The following PCNX2 variants were observed in gnomAD, a reference collection of about 807,000 sequenced individuals.
PCNX2 encodes the protein pecanex 2.
In PCNX2, 168 loss-of-function variants were observed where a neutral mutation model predicts 223.8. The ratio of observed to expected loss-of-function variants is 0.75; its 90% CI spans 0.66 to 0.85. The LOEUF (loss-of-function observed/expected upper bound fraction) is 0.85. Ranked by LOEUF, PCNX2 falls within the 40% of genes least tolerant of loss-of-function variation. PCNX2 has a pLI of 0.00. For synonymous variants in PCNX2, 1,006 were observed against 1,052.6 expected, an observed-to-expected ratio of 0.96 and a Z score of 0.86; for missense variants, 2,507 against 2,675.5, an observed-to-expected ratio of 0.94 and a Z score of 1.39.
At chr1:233,287,220 A>G (rs375541827) in intron 1 of PCNX2, among the ~76,000 whole-genome samples, 2 of 152,206 alleles carry the variant, frequency 1.3e-5, no homozygotes, top group Non-Finnish European at 1.5e-5. Flanking sequence ...GTTCCATCTC[A>G]AGTGGGAAAC....
rs773940716 is a variant in PCNX2, at chr1:232,986,376, A to C, written c.5956T>G (p.Ser1986Ala). 30 of 1,603,352 alleles carry C rather than the reference A, an allele frequency of 1.9e-5. No individual in the cohort carries two copies. In the African/African-American group the frequency reaches 3.1e-4, roughly 16 times the overall value. The change falls in exon 33 of 34, where the codon TCC becomes GCC. Residue 1986 changes from serine (S) to alanine (A), a missense_variant. By Grantham distance (99) the Ser-to-Ala change is moderately conservative (BLOSUM62 1). This residue lies in a region of PCNX2 where 1,372 missense variants were observed against 1,509.4 expected (regional missense o/e 0.91). Coordinates refer to ENST00000258229, the MANE Select transcript of PCNX2 (RefSeq NM_014801.4). ...LAQRLSGSRL[S>A]LHASATSLHS... ...AGGGACGTGGCCGAGGCGTGCAAGG[A>C]GAGCCGGCTGCCCGAGAGCCTCTGG...
At chr1:233,170,031 C>G (rs1479051025) in intron 17 of PCNX2, among the ~76,000 whole-genome samples, 2 of 152,190 alleles carry the variant, frequency 1.3e-5, no homozygotes, top group Non-Finnish European at 2.9e-5. Flanking sequence ...TTCACTCATG[C>G]ATTGCATTTA....
chr1:233,295,095 T>C lies in PCNX2; in HGVS notation c.153+231A>G, dbSNP rs920368675. Among the ~76,000 whole-genome samples, 2 of 152,176 alleles carry C rather than the reference T, an allele frequency of 1.3e-5. No homozygotes were observed. The highest frequency in any genetic ancestry group is 6.5e-5 in the Admixed American group (1 of 15,278). On this transcript the variant is annotated intron_variant, in intron 1 of 33. Coordinates refer to ENST00000258229, the MANE Select transcript of PCNX2 (RefSeq NM_014801.4). This position sits in a 1 kb window ranked among gnomAD's most constrained non-coding sequence, Gnocchi z 4.1. ...CCTAACATCCGGCATCAATTCTTAA[T>C]GAGTCCCCGAGCCCCCGCAGTCCTG... is the stretch of plus-strand genomic sequence containing the variant.
intron 12 of PCNX2, 79 bp from the exon 13 acceptor site, chr1:233,208,768 C>A: frequency 1.8e-6 from 2 of 1,090,486 alleles, no homozygotes; most frequent in Non-Finnish European, 1.2e-6. Flanking sequence ...ATAATTTACA[C>A]TATATCATAT....
At chr1:233,318,655 C>G in the PCNX2 span, among the ~76,000 whole-genome samples, 2 of 151,234 alleles carry the variant, frequency 1.3e-5, no homozygotes, top group Non-Finnish European at 2.9e-5. Context: ...CCTCCGCCCC[C>G]GCCCAGGTTC....
intron 21 of PCNX2, among the ~76,000 whole-genome samples, chr1:233,100,686 C>T (rs1193238450): frequency 2.0e-5 from 3 of 152,156 alleles, no homozygotes; most frequent in Non-Finnish European, 4.4e-5. Context: ...GGAGACACCC[C>T]TCCCACACAC....
At position 232,986,410 on chromosome 1, in the gene PCNX2, G is replaced by T. The variant is rs1300326990; in HGVS notation, c.5922C>A (p.His1974Gln). 2 of 1,605,272 alleles carry T rather than the reference G, an allele frequency of 1.2e-6. No individual in the cohort carries two copies. The highest frequency in any genetic ancestry group is 1.7e-6 in the Non-Finnish European group (2 of 1,176,094). The change falls in exon 33 of 34, where the codon CAC becomes CAA. Residue 1974 changes from histidine to glutamine, a missense_variant. This residue lies in a region of PCNX2 where 1,372 missense variants were observed against 1,509.4 expected (regional missense o/e 0.91). Coordinates refer to ENST00000258229, the MANE Select transcript of PCNX2 (RefSeq NM_014801.4). ...TGCCCGAGAGCCTCTGGGCCAGCTC[G>T]TGCACTGAGGTGGACGTCTGGAGGA... ...QTFLQTSTSV[H>Q]ELAQRLSGSR... is the part of the protein sequence containing the mutation.
intron 15 of PCNX2, among the ~76,000 whole-genome samples, chr1:233,192,418 C>G (rs1034128736): frequency 6.6e-6 from 1 of 151,746 alleles, no homozygotes; most frequent in Non-Finnish European, 1.5e-5. Context: ...AATCTTGGCT[C>G]GAAAAAAATT....
chr1:233,160,211 C>G (rs1678380523), intron 19 of PCNX2, 72 bp downstream of exon 19: 6 of 1,490,470 alleles, frequency 4.0e-6, no homozygotes, highest in African/African-American at 1.4e-5. Context: ...CAGACTGTTG[C>G]ACATGCTCTC....
chr1:233,219,141 C>T (rs1657213752), intron 10 of PCNX2, among the ~76,000 whole-genome samples: 1 of 151,862 alleles, frequency 6.6e-6, no homozygotes. Context: ...GGTGGGTATG[C>T]AAAGGACAAT....
intron 14 of PCNX2, 54 bp downstream of exon 14, chr1:233,200,100 C>T (rs958979574): frequency 2.2e-6 from 3 of 1,390,900 alleles, no homozygotes; most frequent in Middle Eastern, 1.8e-4. Flanking sequence ...GCTATTTAGT[C>T]CTTATCTGAA....
At chr1:233,002,836 T>C (rs1670136915) in intron 28 of PCNX2, among the ~76,000 whole-genome samples, 1 of 152,072 alleles carries the variant, frequency 6.6e-6, no homozygotes, top group Non-Finnish European at 1.5e-5. Flanking sequence ...AACAGAGGCC[T>C]CAGAAATAAT....
At position 233,096,354 on chromosome 1, in the gene PCNX2, T is replaced by C. The variant is rs545532737; in HGVS notation, c.3838-491A>G. Among the ~76,000 whole-genome samples, 4 of 152,354 alleles carry C rather than the reference T, an allele frequency of 2.6e-5. No homozygotes were observed. The East Asian group carries it at 7.7e-4, about 29-fold the overall frequency. On this transcript the variant is annotated intron_variant, in intron 21 of 33. Transcript: ENST00000258229. ...TAAGACAGGATATGAAGCTATTGCA[T>C]TGGCCAGACAAGCCAGCACAAGGAA...
chr1:233,125,246 T>G (rs1676029535), intron 21 of PCNX2, among the ~76,000 whole-genome samples: 2 of 152,228 alleles, frequency 1.3e-5, no homozygotes, highest in African/African-American at 4.8e-5. Context: ...CTGTTTTCTT[T>G]CTTGCTTTCT....
chr1:233,155,990 G>A (rs1414525791), intron 19 of PCNX2, among the ~76,000 whole-genome samples: 1 of 152,144 alleles, frequency 6.6e-6, no homozygotes, highest in Admixed American at 6.5e-5. Flanking sequence ...TTTTTTAAAA[G>A]AGCAACTTCA....
intron 23 of PCNX2, among the ~76,000 whole-genome samples, chr1:233,084,309 C>T (rs1030310361): frequency 6.6e-6 from 1 of 152,164 alleles, no homozygotes; most frequent in Non-Finnish European, 1.5e-5. Flanking sequence ...AAGGCAGGTC[C>T]AAGGATACAG....
the PCNX2 span, among the ~76,000 whole-genome samples, chr1:233,316,055 C>G: frequency 1.3e-5 from 2 of 152,176 alleles, no homozygotes; most frequent in Non-Finnish European, 2.9e-5. Flanking sequence ...TACAAAAGAT[C>G]TGGGCTTTCT....
intron 8 of PCNX2, 77 bp from the exon 9 acceptor site, chr1:233,237,057 G>A: frequency 1.9e-6 from 3 of 1,570,022 alleles, no homozygotes; most frequent in Non-Finnish European, 2.6e-6. Context: ...CAAACACAAG[G>A]ACAATAGGAA....
intron 25 of PCNX2, among the ~76,000 whole-genome samples, chr1:233,046,892 G>C (rs1572044147): frequency 6.6e-6 from 1 of 152,232 alleles, no homozygotes; most frequent in East Asian, 1.9e-4. Flanking sequence ...CAGAATCTGA[G>C]CTGTCCTTGG....
Sources: allele counts gnomAD v4.1 joint callset (sites outside exome capture counted in the v4.1 genomes callset), GRCh38; gene constraint gnomAD v4.1.1; regional missense constraint gnomAD v4.1.1; non-coding constraint Gnocchi (gnomAD v3.1); transcripts MANE v1.5; gene names NCBI Gene and HGNC (gene_info 2026-07-23, HGNC 2026-07-21).